The following BAZ1B variants were observed in gnomAD, a reference collection of about 807,000 sequenced individuals.
BAZ1B encodes bromodomain adjacent to zinc finger domain 1B.
Under a neutral mutation model 153.8 loss-of-function variants are expected in BAZ1B, and 22 were observed. The observed-to-expected ratio is 0.14, with a 90% CI of 0.10 to 0.20. BAZ1B has a LOEUF of 0.20. Among genes scored for constraint, BAZ1B ranks in the 10% least tolerant of loss-of-function variants. The pLI is 1.00. For missense variants in BAZ1B, 1,325 were observed against 1,799.3 expected, an observed-to-expected ratio of 0.74 and a Z score of 4.77; for synonymous variants, 676 against 633.4, an observed-to-expected ratio of 1.07 and a Z score of -1.01.
At chr7:73,480,734 T>A (rs1789167448) in intron 6 of BAZ1B, among the ~76,000 whole-genome samples, 1 of 152,096 alleles carries the variant, frequency 6.6e-6, no homozygotes, top group East Asian at 1.9e-4. Flanking sequence ...TAGTTTGAGA[T>A]GAGACTACAG....
rs576591654 is a variant in BAZ1B, at chr7:73,515,523, C to T, written c.108-4671G>A. On this transcript the variant is annotated intron_variant, in intron 1 of 19. Transcript: ENST00000339594. ...TCACACACAGGGTCTGCCCCTCCAG[C>T]CTTGTTCCTTTTTTTTTTTTTTTTT... Among the ~76,000 whole-genome samples the T allele has an allele frequency of 2.0e-3, 305 of 149,282 alleles. 2 individuals are homozygous for T. Among genetic ancestry groups the T allele is most frequent in the Middle Eastern group, 0.011 (3 of 282 alleles).
chr7:73,480,784 G>A (rs1173850451), intron 6 of BAZ1B, among the ~76,000 whole-genome samples: 2 of 152,132 alleles, frequency 1.3e-5, no homozygotes, highest in Non-Finnish European at 2.9e-5. Context: ...ACGAAATTAT[G>A]AGCCCCTTAA....
rs781993124 is a variant in BAZ1B at position 73,441,790 on chromosome 7, CCT to C, written c.*16-99_*16-98del. ...AAAAAGAAAAATCGCCACCATCTCC[CCT>C]GTTGGCCTGATTACCCCGATCCTGC... On this transcript the variant is annotated intron_variant, in intron 19 of 19. Transcript: ENST00000339594. 4.7e-4 allele frequency: 103 copies of C among 218,060 alleles called. 1 individual carries two copies. The East Asian group carries it at 8.4e-3, about 18-fold the overall frequency. The allele number at this position is 218,060 out of a possible 1,614,324, so 13.5% of individuals were successfully genotyped here.
intron 7 of BAZ1B, among the ~76,000 whole-genome samples, chr7:73,476,164 G>A (rs1554572731): frequency 2.0e-5 from 3 of 152,106 alleles, no homozygotes; most frequent in African/African-American, 4.8e-5. Flanking sequence ...GAGGATGGGC[G>A]AATGGGGTAA....
At chr7:73,455,668 G>T (rs1405223428) in intron 13 of BAZ1B, among the ~76,000 whole-genome samples, 6 of 152,000 alleles carry the variant, frequency 3.9e-5, no homozygotes, top group African/African-American at 1.4e-4. Flanking sequence ...ATAATCCCAG[G>T]TACTCAGGGC....
chr7:73,521,905 A>G lies in BAZ1B; in HGVS notation c.29T>C (p.Phe10Ser). 6.7e-7 allele frequency: 1 copy of G among 1,494,940 alleles called. No homozygotes were observed. The highest frequency in any genetic ancestry group is 8.9e-7 in the Non-Finnish European group (1 of 1,117,440). The allele number at this position is 1,494,940 out of a possible 1,614,324, so 92.6% of individuals were successfully genotyped here. The change falls in exon 1 of 20, where the codon TTC becomes TCC. Residue 10 changes from phenylalanine (F) to serine (S), a missense_variant. Coordinates refer to ENST00000339594, the MANE Select transcript of BAZ1B (RefSeq NM_032408.4). ...TCCGGGCAACGGCTTCACCAGCGGG[A>G]AGGGCTTGCGGCCCAGGAGCGGCGC... MAPLLGRKP[F>S]PLVKPLPGEE... is the part of the protein sequence containing the mutation.
intron 4 of BAZ1B, among the ~76,000 whole-genome samples, chr7:73,495,081 C>T (rs1219442267): frequency 9.9e-5 from 15 of 152,122 alleles, no homozygotes; most frequent in African/African-American, 3.1e-4. Flanking sequence ...GTCCAGAGTT[C>T]GAGACCAGCC....
chr7:73,474,570 T>C (rs1788930880), intron 7 of BAZ1B, among the ~76,000 whole-genome samples: 6 of 151,898 alleles, frequency 4.0e-5, no homozygotes, highest in African/African-American at 1.4e-4. Context: ...AGGTCAGGAG[T>C]TCGAGACCTT....
chr7:73,500,815 C>T (rs1052608808), intron 3 of BAZ1B, among the ~76,000 whole-genome samples: 4 of 150,920 alleles, frequency 2.7e-5, no homozygotes, highest in Non-Finnish European at 5.9e-5. Flanking sequence ...CAGTTGAACC[C>T]GGGAGGTGGA....
intron 3 of BAZ1B, among the ~76,000 whole-genome samples, chr7:73,503,115 GC>G (rs1563397821): frequency 6.6e-6 from 1 of 152,114 alleles, no homozygotes; most frequent in Non-Finnish European, 1.5e-5. Flanking sequence ...AAATACTCAA[GC>G]AAAAATCCTT....
chr7:73,467,801 A>C (rs1788653019), intron 9 of BAZ1B, among the ~76,000 whole-genome samples: 2 of 151,916 alleles, frequency 1.3e-5, no homozygotes, highest in South Asian at 2.1e-4. Context: ...ATAAAGTAAC[A>C]CTCCTTCATC....
intron 13 of BAZ1B, among the ~76,000 whole-genome samples, chr7:73,452,090 C>G (rs569017514): frequency 9.2e-5 from 14 of 152,172 alleles, no homozygotes; most frequent in Admixed American, 2.0e-4. Flanking sequence ...AATAGCTCAT[C>G]TGACCTCATT....
chr7:73,520,272 G>A (rs1232294743), intron 1 of BAZ1B, among the ~76,000 whole-genome samples: 8 of 151,284 alleles, frequency 5.3e-5, no homozygotes, highest in Non-Finnish European at 1.2e-4. Context: ...TAGAGCTAGT[G>A]GAACTTCTCC....
At chr7:73,475,774 A>C (rs761673147) in intron 7 of BAZ1B, among the ~76,000 whole-genome samples, 2 of 152,046 alleles carry the variant, frequency 1.3e-5, no homozygotes, top group Admixed American at 6.6e-5. Context: ...AAACACAAAA[A>C]TTGGCCAGGC....
At chr7:73,518,938 T>C (rs1790921897) in intron 1 of BAZ1B, among the ~76,000 whole-genome samples, 1 of 152,146 alleles carries the variant, frequency 6.6e-6, no homozygotes, top group African/African-American at 2.4e-5. Flanking sequence ...GCCTAAAACC[T>C]ATCTTGACTT....
intron 3 of BAZ1B, among the ~76,000 whole-genome samples, chr7:73,506,313 A>G (rs1790337721): frequency 6.6e-6 from 1 of 151,876 alleles, no homozygotes; most frequent in Non-Finnish European, 1.5e-5. Flanking sequence ...CCTGGCTAAC[A>G]CAGTGAAACC....
intron 5 of BAZ1B, among the ~76,000 whole-genome samples, chr7:73,491,315 T>C (rs1789632239): frequency 6.6e-6 from 1 of 151,810 alleles, no homozygotes; most frequent in Admixed American, 6.6e-5. Context: ...AACAACAACC[T>C]AGGCCGGGCG....
intron 3 of BAZ1B, chr7:73,507,325 A>T (rs1236262901): frequency 6.6e-6 from 1 of 152,218 alleles, no homozygotes; most frequent in Non-Finnish European, 1.5e-5. Context: ...TTGGAAGGCC[A>T]AGAGAATAGT....
chr7:73,447,795 G>A (rs1263639238), intron 15 of BAZ1B, among the ~76,000 whole-genome samples: 1 of 152,222 alleles, frequency 6.6e-6, no homozygotes, highest in Non-Finnish European at 1.5e-5. Flanking sequence ...GCCCAGACAG[G>A]TGTGACTTCA....
Sources: allele counts gnomAD v4.1 joint callset (sites outside exome capture counted in the v4.1 genomes callset), GRCh38; gene constraint gnomAD v4.1.1; transcripts MANE v1.5; gene names NCBI Gene and HGNC (gene_info 2026-07-23, HGNC 2026-07-21).